RUNX3: variants seen among roughly 807,000 people sequenced by gnomAD.
RUNX3 encodes the protein RUNX family transcription factor 3.
A neutral mutation model predicts 27.7 loss-of-function variants in RUNX3; 10 were observed. The ratio of observed to expected loss-of-function variants is 0.36; its 90% CI spans 0.22 to 0.61. The LOEUF is 0.61. RUNX3 is among the 20% of genes least tolerant of loss of function. The pLI, the probability that RUNX3 is intolerant of heterozygous loss-of-function variation, is 0.72. For synonymous variants in RUNX3, 270 were observed against 269.2 expected, an observed-to-expected ratio of 1.00 and a Z score of -0.03; for missense variants, 469 against 629.5, an observed-to-expected ratio of 0.75 and a Z score of 2.73.
chr1:24,946,086 G>T (rs978975344), intron 2 of RUNX3, among the ~76,000 whole-genome samples: 2 of 152,164 alleles, frequency 1.3e-5, no homozygotes, highest in African/African-American at 4.8e-5. Context: ...TGAATGAATG[G>T]CTGAGTGAAT....
chr1:24,933,742 G>A (rs1381980573), upstream of RUNX3, among the ~76,000 whole-genome samples: 1 of 152,184 alleles, frequency 6.6e-6, no homozygotes, highest in Non-Finnish European at 1.5e-5. Flanking sequence ...CCCTCCTGTG[G>A]GCAGACCCTT....
intron 2 of RUNX3, chr1:24,961,980 G>T (rs12065623): frequency 6.6e-6 from 1 of 152,082 alleles, no homozygotes; most frequent in Admixed American, 6.5e-5. Flanking sequence ...TTTGTCTTGC[G>T]TATAATTTAG....
rs773454826 is a variant in RUNX3 at position 24,902,367 on chromosome 1, C to G, written c.1003G>C (p.Gly335Arg). Reference sequence around the variant, plus strand: ...AACTGGTAGGAGCCAGAGGATGTCCCGTAGTAGAGGTGGTAGGGGGACGGG... The same window carrying G: ...AACTGGTAGGAGCCAGAGGATGTCCGGTAGTAGAGGTGGTAGGGGGACGGG... ...ANPSPYHLYY[G>R]TSSGSYQFSM... Residue 335 changes from glycine (G) to arginine (R), a missense_variant, in exon 5 of 5, where the codon GGG (glycine) becomes CGG (arginine). Physicochemically the swap from Gly to Arg is moderately radical, Grantham distance 125. Transcript: ENST00000308873. The surrounding 1 kb of genome is among the most constrained non-coding windows in gnomAD (Gnocchi z 9.2). 2 of 1,612,308 alleles carry G rather than the reference C, an allele frequency of 1.2e-6. No individual in the cohort carries two copies. The highest frequency in any genetic ancestry group is 8.5e-7 in the Non-Finnish European group (1 of 1,179,852).
In RUNX3 at chr1:24,930,051, A is replaced by G; in HGVS notation, c.-183T>C. 1 of 980,568 alleles carries G rather than the reference A, an allele frequency of 1.0e-6. No homozygotes were observed. The highest frequency in any genetic ancestry group is 1.2e-6 in the Non-Finnish European group (1 of 828,104). 60.7% of individuals were successfully genotyped at this position (980,568 alleles called of 1,614,324 possible). ...TACTCGCCAGGGCCCGCCCGCTGCG[A>G]GGCCTCGCTGGCCCGACGGCCGCCC... On this transcript the variant is annotated 5_prime_UTR_variant, in exon 1 of 5. Coordinates refer to ENST00000308873, the MANE Select transcript of RUNX3 (RefSeq NM_004350.3). This position sits in a 1 kb window ranked among gnomAD's most constrained non-coding sequence, Gnocchi z 4.1.
At chr1:24,919,435 C>T in intron 2 of RUNX3, 91 bp from the exon 3 acceptor site, 2 of 817,866 alleles carry the variant, frequency 2.4e-6, no homozygotes, top group Non-Finnish European at 2.0e-6. Context: ...CTGGAAGCCC[C>T]TAACTGTCAA....
At chr1:24,954,045 T>C (rs373934495) in intron 2 of RUNX3, among the ~76,000 whole-genome samples, 4 of 152,250 alleles carry the variant, frequency 2.6e-5, no homozygotes, top group African/African-American at 9.6e-5. Context: ...CCCAAAGTGT[T>C]GGGATTACAG....
In RUNX3 at chr1:24,902,798, T is replaced by G; in HGVS notation, c.704-132A>C. On this transcript the variant is annotated intron_variant, in intron 4 of 4. Transcript: ENST00000308873. This position sits in a 1 kb window ranked among gnomAD's most constrained non-coding sequence, Gnocchi z 9.2. ...CTAGTTCTAGACCTGGCTCTCCTCT[T>G]CCTGCCCTAGGCTGCCCGGGGCCTC... 1 of 743,426 alleles carries G rather than the reference T, an allele frequency of 1.3e-6. No homozygotes were observed. The highest frequency in any genetic ancestry group is 2.0e-6 in the Non-Finnish European group (1 of 503,986). 46.1% of individuals were successfully genotyped at this position (743,426 alleles called of 1,614,324 possible).
intron 2 of RUNX3, among the ~76,000 whole-genome samples, chr1:24,946,709 T>C (rs7551188): frequency 0.48 from 72,657 of 151,826 alleles, 17,481 homozygotes; most frequent in Admixed American, 0.55. Context: ...ATTCTGGGAC[T>C]GGGGTTGCTG....
intron 2 of RUNX3, among the ~76,000 whole-genome samples, chr1:24,958,965 G>T (rs1452914982): frequency 1.3e-5 from 2 of 152,228 alleles, no homozygotes; most frequent in East Asian, 3.8e-4. Flanking sequence ...TGGTGTTGGG[G>T]CTGCCCCACT....
At chr1:24,946,746 C>T (rs1206548483) in intron 2 of RUNX3, among the ~76,000 whole-genome samples, 3 of 152,070 alleles carry the variant, frequency 2.0e-5, no homozygotes, top group Admixed American at 6.5e-5. Context: ...TGAGAGGCTC[C>T]GGACACCGCC....
chr1:24,964,822 G>A (rs770147027), intron 1 of RUNX3: 26 of 958,790 alleles, frequency 2.7e-5, no homozygotes, highest in Non-Finnish European at 3.5e-5. Flanking sequence ...AGGAAAGTAA[G>A]TTTCTGTTTG....
At chr1:24,922,605 T>A (rs967574447) in intron 2 of RUNX3, among the ~76,000 whole-genome samples, 1 of 152,166 alleles carries the variant, frequency 6.6e-6, no homozygotes, top group African/African-American at 2.4e-5. Flanking sequence ...CAATGCTAGA[T>A]CTTATTTAAT....
At chr1:24,940,991 A>G (rs1054582996) in intron 2 of RUNX3, among the ~76,000 whole-genome samples, 1 of 152,246 alleles carries the variant, frequency 6.6e-6, no homozygotes, top group Non-Finnish European at 1.5e-5. Flanking sequence ...AAGATAAAAT[A>G]TAGAAAAAGT....
intron 3 of RUNX3, among the ~76,000 whole-genome samples, chr1:24,910,951 G>A (rs182400650): frequency 1.6e-4 from 25 of 152,340 alleles, no homozygotes; most frequent in Admixed American, 7.2e-4. Context: ...GGCCTGGAGC[G>A]GATGGGGAGG....
rs146207818 is a variant in RUNX3 at position 24,927,109 on chromosome 1, G to C, written c.439+465C>G. 6.6e-6 allele frequency among the ~76,000 whole-genome samples: 1 copy of C among 152,204 alleles called. No homozygotes were observed. Among genetic ancestry groups the C allele is most frequent in the Non-Finnish European group, 1.5e-5 (1 of 68,040 alleles). ...AGGCGCTGGGAAACTGGGTCTGGGA[G>C]ACCACAGCTGGAGAGACAGCCTCAG... On this transcript the variant is annotated intron_variant, in intron 2 of 4. Transcript: ENST00000308873. This position sits in a 1 kb window ranked among gnomAD's most constrained non-coding sequence, Gnocchi z 5.0.
chr1:24,931,430 A>AC (rs1641225515), upstream of RUNX3, among the ~76,000 whole-genome samples: 1 of 152,016 alleles, frequency 6.6e-6, no homozygotes, highest in Non-Finnish European at 1.5e-5. Context: ...TGTCGAGCAG[A>AC]CCTAGGGGCC....
chr1:24,909,390 G>A (rs1228530160), intron 3 of RUNX3, among the ~76,000 whole-genome samples: 2 of 152,044 alleles, frequency 1.3e-5, no homozygotes, highest in Non-Finnish European at 2.9e-5. Flanking sequence ...GGCTTCTCAT[G>A]GAACTCTCTT....
At chr1:24,921,031 C>A (rs951823281) in intron 2 of RUNX3, among the ~76,000 whole-genome samples, 6 of 152,170 alleles carry the variant, frequency 3.9e-5, no homozygotes, top group African/African-American at 1.4e-4. Context: ...TGGGAACTCC[C>A]TGTGGGTAGG....
intron 2 of RUNX3, among the ~76,000 whole-genome samples, chr1:24,952,575 T>C (rs1641793423): frequency 1.3e-5 from 2 of 152,190 alleles, no homozygotes; most frequent in Non-Finnish European, 2.9e-5. Context: ...TTCTAGGAAA[T>C]GGCAAGGGGA....
Sources: gnomAD v4.1 joint callset for allele counts (sites outside exome capture counted in the v4.1 genomes callset) on GRCh38, gnomAD v4.1.1 for gene constraint, Gnocchi (gnomAD v3.1) non-coding constraint, MANE v1.5 for transcripts, NCBI Gene and HGNC (gene_info 2026-07-23, HGNC 2026-07-21) for gene names.